The following AMD1 variants were observed in gnomAD, a reference collection of about 807,000 sequenced individuals.
The protein encoded by AMD1 is adenosylmethionine decarboxylase 1.
AMD1 carries 11 observed loss-of-function variants against 40.2 expected under a neutral mutation model. The observed-to-expected ratio is 0.27, with a 90% confidence interval of 0.17 to 0.45. The LOEUF (loss-of-function observed/expected upper bound fraction) is 0.45, where lower values mean the gene tolerates loss of function less well. AMD1 is among the 20% of genes least tolerant of loss of function. AMD1 has a pLI of 1.00. For synonymous variants in AMD1, 121 were observed against 130.8 expected, an observed-to-expected ratio of 0.93 and a Z score of 0.51; for missense variants, 257 against 410.2, an observed-to-expected ratio of 0.63 and a Z score of 3.23.
At chr6:110,826,165 TAAA>T in the AMD1 span, among the ~76,000 whole-genome samples, 19 of 94,302 alleles carry the variant, frequency 2.0e-4, no homozygotes, top group South Asian at 3.6e-4. Context: ...CCTGTCTCAT[TAAA>T]AAAAAAAAAA....
intron 1 of AMD1, among the ~76,000 whole-genome samples, chr6:110,886,660 C>A (rs1274726039): frequency 6.6e-6 from 1 of 152,192 alleles, no homozygotes; most frequent in East Asian, 1.9e-4. Context: ...GTGGTTCTAG[C>A]TACCTGAGAG....
rs1785857029 is a variant in AMD1 at position 110,888,929 on chromosome 6, A to C, written c.270A>C (p.Ala90=). 8.1e-6 allele frequency: 13 copies of C among 1,613,938 alleles called. No homozygotes were observed. The highest frequency in any genetic ancestry group is 1.1e-5 in the Non-Finnish European group (13 of 1,179,974). Residue 90 remains alanine, a synonymous_variant, in exon 3 of 9, where the codon GCA becomes GCC. Transcript: ENST00000368885. Reference sequence around the variant, plus strand: ...GTGGTACCACCCTCTTGCTGAAAGCACTGGTTCCCCTGTTGAAGCTTGCTA... The same window carrying C: ...GTGGTACCACCCTCTTGCTGAAAGCCCTGGTTCCCCTGTTGAAGCTTGCTA... ...KTCGTTLLLK[A]LVPLLKLARD...
chr6:110,888,979 T>C lies in AMD1; in HGVS notation c.320T>C (p.Ile107Thr). 6.2e-7 allele frequency: 1 copy of C among 1,611,792 alleles called. No homozygotes were observed. Among genetic ancestry groups the C allele is most frequent in the Non-Finnish European group, 8.5e-7 (1 of 1,179,222 alleles). ...AGGGATTACAGTGGGTTTGACTCAA[T>C]TCAAGTAAGTAAGCAAACATTTAAA... is the stretch of plus-strand genomic sequence containing the variant. The part of the protein sequence containing the change: ...LARDYSGFDS[I>T]QSFFYSRKNF... Residue 107 changes from isoleucine (I) to threonine (T), a missense_variant, in exon 3 of 9, where the codon ATT (isoleucine) becomes ACT (threonine). Physicochemically the swap from Ile to Thr is moderately conservative, Grantham distance 89. Around this residue, in one of 3 missense-constraint regions of AMD1, gnomAD observed 192 missense variants for 296.5 expected, o/e 0.65. Transcript: ENST00000368885.
the AMD1 span, among the ~76,000 whole-genome samples, chr6:110,834,414 G>T: frequency 6.6e-6 from 1 of 152,124 alleles, no homozygotes; most frequent in African/African-American, 2.4e-5. Context: ...TAAAAATAGT[G>T]AGAAATGTGT....
In AMD1 at chr6:110,892,903, C is replaced by A. The variant is rs780957928; in HGVS notation, c.709-7C>A. On this transcript the variant is annotated splice_region_variant and splice_polypyrimidine_tract_variant and intron_variant, in intron 7 of 8. Coordinates refer to ENST00000368885, the MANE Select transcript of AMD1 (RefSeq NM_001634.6). ...CCATTCTTAACACTGTGAACTTTTTCTCTCAGGGAACTTATTGGACTATTC... is the reference window on the plus strand; with the variant it reads ...CCATTCTTAACACTGTGAACTTTTTATCTCAGGGAACTTATTGGACTATTC... The A allele has an allele frequency of 2.5e-6, 4 of 1,613,448 alleles. No individual in the cohort carries two copies. Among genetic ancestry groups the A allele is most frequent in the Non-Finnish European group, 3.4e-6 (4 of 1,179,768 alleles).
chr6:110,845,742 G>A, the AMD1 span, among the ~76,000 whole-genome samples: 5 of 152,298 alleles, frequency 3.3e-5, no homozygotes, highest in East Asian at 1.9e-4. Context: ...TTTGGGACTC[G>A]GATGGGCTTC....
intron 1 of AMD1, among the ~76,000 whole-genome samples, chr6:110,887,076 C>G (rs1785733873): frequency 6.6e-6 from 1 of 151,986 alleles, no homozygotes; most frequent in African/African-American, 2.4e-5. Flanking sequence ...TCACTGTGTC[C>G]CGACAGACAG....
the AMD1 span, among the ~76,000 whole-genome samples, chr6:110,847,028 A>C: frequency 1.3e-5 from 2 of 151,482 alleles, no homozygotes; most frequent in African/African-American, 4.9e-5. Context: ...TTCTACCAGA[A>C]AAAGAACTAG....
intron 2 of AMD1, among the ~76,000 whole-genome samples, chr6:110,888,113 T>C (rs1210876113): frequency 6.6e-6 from 1 of 152,160 alleles, no homozygotes; most frequent in African/African-American, 2.4e-5. Context: ...TTCCTCCCAA[T>C]TGGTAAAGAA....
chr6:110,880,480 G>T (rs1338384221), intron 1 of AMD1, among the ~76,000 whole-genome samples: 1 of 152,132 alleles, frequency 6.6e-6, no homozygotes, highest in East Asian at 1.9e-4. Flanking sequence ...TCTTCTAGGA[G>T]TTTTATTCGC....
chr6:110,891,869 A>G (rs1444665211), intron 4 of AMD1: 3 of 377,016 alleles, frequency 8.0e-6, no homozygotes, highest in Non-Finnish European at 9.7e-6. Flanking sequence ...CAGCCTCCCA[A>G]GTAGCTGGGA....
In AMD1 at chr6:110,875,012, TG is replaced by T. The variant is rs1583207924; in HGVS notation, c.-92del. 2.1e-6 allele frequency: 2 copies of T among 955,560 alleles called. No individual in the cohort carries two copies. The highest frequency in any genetic ancestry group is 3.3e-6 in the Non-Finnish European group (2 of 613,278). The allele number at this position is 955,560 out of a possible 1,614,324, so 59.2% of individuals were successfully genotyped here. On this transcript the variant is annotated 5_prime_UTR_variant, in exon 1 of 9. Coordinates refer to ENST00000368885, the MANE Select transcript of AMD1 (RefSeq NM_001634.6). ...GGAACCTGAACTTTAGTAACACAGC[TG>T]GAACAATCCGCAGCGGCGGCGGCAG...
chr6:110,872,613 G>T (rs981866969), upstream of AMD1, among the ~76,000 whole-genome samples: 2 of 152,028 alleles, frequency 1.3e-5, no homozygotes, highest in African/African-American at 4.8e-5. Context: ...TTAGTACAAG[G>T]GATTTTTATT....
At chr6:110,826,271 C>CAAA in the AMD1 span, among the ~76,000 whole-genome samples, 11 of 59,302 alleles carry the variant, frequency 1.9e-4, no homozygotes, top group African/African-American at 2.8e-4. Flanking sequence ...GACACCATCC[C>CAAA]AAAAAAAAAA....
upstream of AMD1, chr6:110,874,745 G>T (rs530743874): frequency 2.2e-4 from 37 of 169,676 alleles, no homozygotes; most frequent in East Asian, 5.0e-4. Context: ...CTTTTGGGGG[G>T]AGCCGGGATA....
At chr6:110,827,300 T>TC in the AMD1 span, among the ~76,000 whole-genome samples, 3 of 151,756 alleles carry the variant, frequency 2.0e-5, no homozygotes, top group African/African-American at 7.3e-5. Context: ...CTTTTTTTTT[T>TC]TCAGTTTTTT....
chr6:110,820,533 G>A, the AMD1 span, among the ~76,000 whole-genome samples: 6 of 150,530 alleles, frequency 4.0e-5, no homozygotes, highest in East Asian at 1.0e-3. Flanking sequence ...TACCACACCC[G>A]GCTGGTAGTA....
At chr6:110,816,306 T>A in the AMD1 span, among the ~76,000 whole-genome samples, 1 of 152,160 alleles carries the variant, frequency 6.6e-6, no homozygotes, top group Non-Finnish European at 1.5e-5. Flanking sequence ...GGATTTTTTA[T>A]GGTCTATGCA....
At chr6:110,863,858 C>T in the AMD1 span, 1 of 428,826 alleles carries the variant, frequency 2.3e-6, no homozygotes, top group South Asian at 1.9e-5. Context: ...TGGTGAGAGA[C>T]AATAGCCAAG....
Sources: gnomAD v4.1 joint callset for allele counts (sites outside exome capture counted in the v4.1 genomes callset) on GRCh38, gnomAD v4.1.1 for gene constraint, gnomAD v4.1.1 regional missense constraint, MANE v1.5 for transcripts, NCBI Gene and HGNC (gene_info 2026-07-23, HGNC 2026-07-21) for gene names.